ADGRG7: variants seen among roughly 807,000 people sequenced by gnomAD.
The protein encoded by ADGRG7 is G-protein coupled receptor 128.
A neutral mutation model predicts 88.6 loss-of-function variants in ADGRG7; 82 were observed. The observed-to-expected ratio is 0.93, with a 90% confidence interval of 0.77 to 1.11. The LOEUF (loss-of-function observed/expected upper bound fraction) is 1.11, where lower values mean the gene tolerates loss of function less well. Ranked by LOEUF, ADGRG7 falls within the 50% of genes most tolerant of loss-of-function variation. ADGRG7 has a pLI of 0.00. For synonymous variants in ADGRG7, 381 were observed against 345.2 expected (o/e 1.10, Z -1.15); for missense variants, 945 against 953.4 (o/e 0.99, Z 0.12).
At position 100,694,947 on chromosome 3, in the gene ADGRG7, G is replaced by C; in HGVS notation, c.2340G>C (p.Pro780=). ...GCTTTAGGCTACTGGAAACCTCTCC[G>C]AGTACTGAGGAAATCACACTCTCTG... ...HERFRLLETS[P]STEEITLSES... Residue 780 remains proline, a synonymous_variant, in exon 16 of 16, where the codon CCG becomes CCC. Coordinates refer to ENST00000273352, the MANE Select transcript of ADGRG7 (RefSeq NM_032787.3). The C allele has an allele frequency of 2.5e-6, 4 of 1,614,140 alleles. No individual in the cohort carries two copies. The highest frequency in any genetic ancestry group is 3.4e-6 in the Non-Finnish European group (4 of 1,180,004).
At chr3:100,616,989 T>C (rs1000032965) in intron 1 of ADGRG7, among the ~76,000 whole-genome samples, 1 of 151,808 alleles carries the variant, frequency 6.6e-6, no homozygotes, top group South Asian at 2.1e-4. Flanking sequence ...TCCAACAGGG[T>C]CTATGAGACA....
chr3:100,609,682 A>G lies in ADGRG7; in HGVS notation c.-175A>G, dbSNP rs146358542. 8.9e-4 allele frequency: 472 copies of G among 529,362 alleles called. No homozygotes were observed. The highest frequency in any genetic ancestry group is 8.5e-3 in the African/African-American group (438 of 51,788). 32.8% of individuals were successfully genotyped at this position (529,362 alleles called of 1,614,324 possible). ...CCTTTTATTAGGAGATTCAAACTGC[A>G]TCCTACTGGATTAGCCTCAAAAGTC... On this transcript the variant is annotated 5_prime_UTR_variant, in exon 1 of 16. Transcript: ENST00000273352.
chr3:100,630,199 G>C lies in ADGRG7; in HGVS notation c.229+488G>C, dbSNP rs1453823550. On this transcript the variant is annotated intron_variant, in intron 2 of 15. Coordinates refer to ENST00000273352, the MANE Select transcript of ADGRG7 (RefSeq NM_032787.3). ...TTTGATTTCAATCAATTGTGTCTCA[G>C]AATCAAAGTTCAAGGCCATTTTTAA... Among the ~76,000 whole-genome samples, 6 of 152,050 alleles carry C rather than the reference G, an allele frequency of 3.9e-5. No individual in the cohort carries two copies. In the South Asian group the frequency reaches 6.2e-4, roughly 16 times the overall value.
Position 100,641,894 on chromosome 3 carries a change from C to A in ADGRG7, c.699-1372C>A, listed in dbSNP as rs141466070. Among the ~76,000 whole-genome samples the A allele has an allele frequency of 7.3e-3, 1,102 of 151,922 alleles. 12 individuals carry two copies. Among genetic ancestry groups the A allele is most frequent in the African/African-American group, 0.014 (583 of 41,446 alleles). ...TTCCTGATATAACTACAGCACTAAT[C>A]AAAAAAAACCCCGTTTCCAAGAATC... On this transcript the variant is annotated intron_variant, in intron 6 of 15. Coordinates refer to ENST00000273352, the MANE Select transcript of ADGRG7 (RefSeq NM_032787.3).
At chr3:100,614,374 G>T (rs1707197375) in intron 1 of ADGRG7, among the ~76,000 whole-genome samples, 1 of 152,128 alleles carries the variant, frequency 6.6e-6, no homozygotes, top group South Asian at 2.1e-4. Context: ...AAAATATTTA[G>T]TCATGCATAC....
chr3:100,615,545 T>C lies in ADGRG7; in HGVS notation c.115+5574T>C, dbSNP rs112662187. On this transcript the variant is annotated intron_variant, in intron 1 of 15. Coordinates refer to ENST00000273352, the MANE Select transcript of ADGRG7 (RefSeq NM_032787.3). ...TTGGGTACCTTCTATTCAATGGCAT[T>C]GTGCTAGGATTTGAAGATATGGACC... Among the ~76,000 whole-genome samples the C allele has an allele frequency of 2.0e-5, 3 of 152,296 alleles. 1 individual carries two copies. The highest frequency in any genetic ancestry group is 7.2e-5 in the African/African-American group (3 of 41,572).
intron 13 of ADGRG7, among the ~76,000 whole-genome samples, chr3:100,659,052 A>C (rs1175972223): frequency 6.6e-6 from 1 of 152,218 alleles, no homozygotes; most frequent in Non-Finnish European, 1.5e-5. Context: ...AAAACAAAAC[A>C]AAATAAACCC....
chr3:100,676,555 G>A (rs1338220610), intron 15 of ADGRG7, among the ~76,000 whole-genome samples: 1 of 152,030 alleles, frequency 6.6e-6, no homozygotes. Context: ...ACATGCTGAG[G>A]AGAAGAATGT....
intron 15 of ADGRG7, among the ~76,000 whole-genome samples, chr3:100,693,926 A>T (rs2094998006): frequency 6.6e-6 from 1 of 152,242 alleles, no homozygotes; most frequent in African/African-American, 2.4e-5. Context: ...TTTCTGTTAC[A>T]GTTACAGGCA....
chr3:100,688,494 G>A (rs1179123355), intron 15 of ADGRG7, among the ~76,000 whole-genome samples: 1 of 152,104 alleles, frequency 6.6e-6, no homozygotes, highest in Non-Finnish European at 1.5e-5. Flanking sequence ...GATCTTTCCT[G>A]CTTTCTCTTG....
At chr3:100,623,536 A>T (rs965748122) in intron 1 of ADGRG7, among the ~76,000 whole-genome samples, 11 of 152,104 alleles carry the variant, frequency 7.2e-5, no homozygotes, top group African/African-American at 2.7e-4. Flanking sequence ...CCAATTTTTA[A>T]AAAAAATTTT....
chr3:100,645,345 C>G (rs1255503297), intron 8 of ADGRG7, among the ~76,000 whole-genome samples: 2 of 152,194 alleles, frequency 1.3e-5, no homozygotes, highest in Non-Finnish European at 1.5e-5. Flanking sequence ...GACTGCTAGC[C>G]TTGGGAGAAG....
chr3:100,644,656 T>A (rs1293556094), intron 8 of ADGRG7, among the ~76,000 whole-genome samples: 1 of 151,414 alleles, frequency 6.6e-6, no homozygotes, highest in Admixed American at 6.6e-5. Context: ...GCCTCCCAAG[T>A]AGGTGGGACT....
At position 100,649,807 on chromosome 3, in the gene ADGRG7, G is replaced by C. The variant is rs748383173; in HGVS notation, c.1379G>C (p.Arg460Thr). The change falls in exon 11 of 16, where the codon AGG (arginine) becomes ACG (threonine). Residue 460 changes from arginine to threonine, a missense_variant and splice_region_variant. Arg to Thr is a moderately conservative substitution (Grantham distance 71). Coordinates refer to ENST00000273352, the MANE Select transcript of ADGRG7 (RefSeq NM_032787.3). ...ACAGTTATATTTCAGATTGTCACCAGGTAAGAGCAGAAGCAGGCTCTTTTC... is the reference window on the plus strand; with the variant it reads ...ACAGTTATATTTCAGATTGTCACCACGTAAGAGCAGAAGCAGGCTCTTTTC... ...ALTVIFQIVT[R>T]KVRKTSVTWV... 1.3e-6 allele frequency: 2 copies of C among 1,542,188 alleles called. No individual in the cohort carries two copies. The highest frequency in any genetic ancestry group is 9.0e-7 in the Non-Finnish European group (1 of 1,117,250).
intron 4 of ADGRG7, among the ~76,000 whole-genome samples, chr3:100,635,000 GAC>G (rs142620077): frequency 0.025 from 3,626 of 146,706 alleles, 55 homozygotes; most frequent in Non-Finnish European, 0.034. Context: ...TGAAAACCAA[GAC>G]ACACACACAC....
At chr3:100,684,746 A>G (rs775601984) in intron 15 of ADGRG7, among the ~76,000 whole-genome samples, 65 of 151,732 alleles carry the variant, frequency 4.3e-4, no homozygotes, top group Admixed American at 1.6e-3. Context: ...AACTTCCTCT[A>G]TTTGGAATAT....
chr3:100,669,642 A>G (rs889320099), intron 15 of ADGRG7, among the ~76,000 whole-genome samples: 5 of 151,982 alleles, frequency 3.3e-5, no homozygotes, highest in Non-Finnish European at 7.4e-5. Flanking sequence ...TATAACAATC[A>G]CTTCAGGGTA....
chr3:100,685,296 C>T lies in ADGRG7; in HGVS notation c.2137-9448C>T, dbSNP rs116637558. ...CCTTTATTCATTGACATTCTATAGA[C>T]GAACGGAAATTTTATGTTGTGAAAA... On this transcript the variant is annotated intron_variant, in intron 15 of 15. Coordinates refer to ENST00000273352, the MANE Select transcript of ADGRG7 (RefSeq NM_032787.3). Among the ~76,000 whole-genome samples, 1,254 of 152,112 alleles carry T rather than the reference C, an allele frequency of 8.2e-3. 18 individuals carry two copies. The highest frequency in any genetic ancestry group is 0.029 in the African/African-American group (1,184 of 41,484).
intron 1 of ADGRG7, among the ~76,000 whole-genome samples, chr3:100,612,804 T>C (rs1198089576): frequency 6.6e-6 from 1 of 152,240 alleles, no homozygotes; most frequent in Non-Finnish European, 1.5e-5. Flanking sequence ...ATACACCTGT[T>C]CTTCAGTCCT....
Sources: gnomAD v4.1 joint callset for allele counts (sites outside exome capture counted in the v4.1 genomes callset) on GRCh38, gnomAD v4.1.1 for gene constraint, MANE v1.5 for transcripts, NCBI Gene and HGNC (gene_info 2026-07-23, HGNC 2026-07-21) for gene names.